RBMS3: variants seen among roughly 807,000 people sequenced by gnomAD.
The protein encoded by RBMS3 is RNA-binding motif, single-stranded-interacting protein 3.
In RBMS3, 27 loss-of-function variants were observed where a neutral mutation model predicts 66.8. The ratio of observed to expected loss-of-function variants is 0.40; its 90% CI spans 0.30 to 0.56. The LOEUF (loss-of-function observed/expected upper bound fraction) is 0.56, where lower values mean the gene tolerates loss of function less well. Among genes scored for constraint, RBMS3 ranks in the 20% least tolerant of loss-of-function variants. The pLI is 0.40. For synonymous variants in RBMS3, 188 were observed against 183.0 expected, an observed-to-expected ratio of 1.03 and a Z score of -0.22; for missense variants, 513 against 549.5, an observed-to-expected ratio of 0.93 and a Z score of 0.66.
intron 2 of RBMS3, among the ~76,000 whole-genome samples, chr3:29,483,309 C>CA (rs72225547): frequency 0.021 from 1,614 of 75,576 alleles, 28 homozygotes; most frequent in African/African-American, 0.051. Flanking sequence ...TTCGTCTTAA[C>CA]AAAAAAAAAA....
At chr3:29,682,840 T>C (rs1016710150) in intron 4 of RBMS3, among the ~76,000 whole-genome samples, 3 of 152,188 alleles carry the variant, frequency 2.0e-5, no homozygotes, top group Non-Finnish European at 4.4e-5. Flanking sequence ...AGGAGATAGA[T>C]TGGCAGAAAC....
intron 3 of RBMS3, among the ~76,000 whole-genome samples, chr3:29,582,814 G>A (rs2047378554): frequency 6.6e-6 from 1 of 152,060 alleles, no homozygotes; most frequent in South Asian, 2.1e-4. Flanking sequence ...GCTTTCTTCT[G>A]ATTGTGATGT....
chr3:29,696,724 G>A (rs1226086130), intron 4 of RBMS3, among the ~76,000 whole-genome samples: 2 of 152,170 alleles, frequency 1.3e-5, no homozygotes, highest in African/African-American at 4.8e-5. Context: ...TCAGGAGCAC[G>A]TGAAGAAACA....
intron 4 of RBMS3, among the ~76,000 whole-genome samples, chr3:29,733,972 G>A (rs1395767245): frequency 1.3e-5 from 2 of 151,864 alleles, no homozygotes. Flanking sequence ...TTCTGTATGT[G>A]GATATCCAGT....
intron 10 of RBMS3, among the ~76,000 whole-genome samples, chr3:29,932,202 T>G (rs1255035505): frequency 6.6e-6 from 1 of 152,172 alleles, no homozygotes; most frequent in East Asian, 1.9e-4. Context: ...CAGATAATAT[T>G]TCTAGGTCAG....
At chr3:29,979,208 G>A (rs999703107) in intron 12 of RBMS3, among the ~76,000 whole-genome samples, 13 of 152,030 alleles carry the variant, frequency 8.6e-5, no homozygotes, top group African/African-American at 2.4e-4. Context: ...GTTTATCCTC[G>A]TTATATAAGA....
chr3:29,865,284 T>C (rs1351090373), intron 6 of RBMS3, among the ~76,000 whole-genome samples: 1 of 151,998 alleles, frequency 6.6e-6, no homozygotes, highest in East Asian at 1.9e-4. Flanking sequence ...GAAGTCATAC[T>C]CTAGACTATT....
chr3:29,932,880 G>T (rs1411667557), intron 10 of RBMS3, among the ~76,000 whole-genome samples: 4 of 152,088 alleles, frequency 2.6e-5, no homozygotes, highest in Admixed American at 6.6e-5. Context: ...CAGAACTAGG[G>T]CAACCAGATC....
Position 29,517,271 on chromosome 3 carries a change from A to ATGTGTG in RBMS3, c.307+28804_307+28809dup, listed in dbSNP as rs58702096. On this transcript the variant is annotated intron_variant, in intron 3 of 14. Coordinates refer to ENST00000383767, the MANE Select transcript of RBMS3 (RefSeq NM_001003793.3). Reference sequence around the variant, plus strand: ...CTGTGTATGTGAGGTGATTTCATATATGTGTGTGTGTGTGTGTGTGTGTGT... The same window carrying ATGTGTG: ...CTGTGTATGTGAGGTGATTTCATATATGTGTGTGTGTGTGTGTGTGTGTGTGTGTGT... Among the ~76,000 whole-genome samples the ATGTGTG allele has an allele frequency of 7.8e-3, 1,006 of 129,578 alleles. 6 individuals are homozygous for ATGTGTG. Among genetic ancestry groups the ATGTGTG allele is most frequent in the African/African-American group, 0.018 (645 of 35,088 alleles). The allele number at this position is 129,578 out of a possible 152,430, so 85.0% of individuals were successfully genotyped here. A position where few individuals can be genotyped will look rare whatever the true frequency, so the allele number is the denominator to read the frequency against.
chr3:29,731,760 T>C (rs1247368311), intron 4 of RBMS3, among the ~76,000 whole-genome samples: 4 of 152,100 alleles, frequency 2.6e-5, no homozygotes, highest in Non-Finnish European at 5.9e-5. Flanking sequence ...AACTAACACA[T>C]TGTATTAGTC....
intron 2 of RBMS3, among the ~76,000 whole-genome samples, chr3:29,439,002 A>G (rs1194927304): frequency 6.6e-6 from 1 of 152,184 alleles, no homozygotes; most frequent in Non-Finnish European, 1.5e-5. Context: ...CTAAGATTAG[A>G]AGGATAAATA....
intron 8 of RBMS3, among the ~76,000 whole-genome samples, chr3:29,891,439 G>A (rs1057352425): frequency 1.3e-5 from 2 of 151,586 alleles, no homozygotes; most frequent in African/African-American, 4.8e-5. Context: ...ACTTTTTACT[G>A]TAGGCTAACT....
At chr3:29,962,551 C>CATATAT (rs148691765) in intron 12 of RBMS3, among the ~76,000 whole-genome samples, 18 of 135,208 alleles carry the variant, frequency 1.3e-4, no homozygotes, top group South Asian at 5.0e-4. Flanking sequence ...GGTCAAGACT[C>CATATAT]ATATATATAT....
chr3:29,592,797 G>T (rs1056160680), intron 4 of RBMS3, among the ~76,000 whole-genome samples: 2 of 151,896 alleles, frequency 1.3e-5, no homozygotes, highest in African/African-American at 2.4e-5. Context: ...AGAAAATATG[G>T]CACATATACA....
chr3:29,979,375 T>A (rs1309614676), intron 12 of RBMS3, among the ~76,000 whole-genome samples: 2 of 152,318 alleles, frequency 1.3e-5, no homozygotes, highest in East Asian at 3.9e-4. Context: ...ATACTCTGAT[T>A]CAGTTTTACT....
chr3:29,657,878 C>G (rs1414936271), intron 4 of RBMS3, among the ~76,000 whole-genome samples: 3 of 152,126 alleles, frequency 2.0e-5, no homozygotes, highest in Non-Finnish European at 4.4e-5. Flanking sequence ...ATTGCCAACC[C>G]AAGTAGCCAT....
intron 6 of RBMS3, among the ~76,000 whole-genome samples, chr3:29,796,825 G>T (rs1426527705): frequency 2.0e-5 from 3 of 148,518 alleles, no homozygotes; most frequent in African/African-American, 7.5e-5. Flanking sequence ...CGATTCTCCT[G>T]CCTCGGCCTC....
At chr3:29,354,894 C>T (rs2037127972) in intron 1 of RBMS3, among the ~76,000 whole-genome samples, 1 of 150,820 alleles carries the variant, frequency 6.6e-6, no homozygotes, top group Non-Finnish European at 1.5e-5. Context: ...AGAACTTCAA[C>T]TATATTAACC....
intron 14 of RBMS3, among the ~76,000 whole-genome samples, chr3:29,996,468 T>C (rs1462319239): frequency 6.7e-6 from 1 of 149,724 alleles, no homozygotes; most frequent in East Asian, 2.0e-4. Flanking sequence ...AATATACATT[T>C]TTTTCAGCAC....
Sources: gnomAD v4.1 joint callset for allele counts (sites outside exome capture counted in the v4.1 genomes callset) on GRCh38, gnomAD v4.1.1 for gene constraint, MANE v1.5 for transcripts, NCBI Gene and HGNC (gene_info 2026-07-23, HGNC 2026-07-21) for gene names.